Variants in FNDC1 observed in about 807,000 individuals in gnomAD.
The protein encoded by FNDC1 is fibronectin type III domain containing 1.
A neutral mutation model predicts 168.0 loss-of-function variants in FNDC1; 96 were observed. The observed-to-expected ratio is 0.57, with a 90% CI of 0.48 to 0.68. The LOEUF (loss-of-function observed/expected upper bound fraction) is 0.68. Among genes scored for constraint, FNDC1 ranks in the 30% least tolerant of loss-of-function variants. The pLI is 0.00. For synonymous variants in FNDC1, 1,099 were observed against 1,025.9 expected (o/e 1.07, Z -1.36); for missense variants, 2,587 against 2,482.1 (o/e 1.04, Z -0.90).
rs1036856796 is a variant in FNDC1, at chr6:159,256,390, G to T, written c.5066-133G>T. ...ATCCCATCCTGTCCCACAGTGCCGC[G>T]TGCCCTCCTTCCTGTAGTTCCCACA... is the stretch of plus-strand genomic sequence containing the variant. On this transcript the variant is annotated intron_variant, in intron 17 of 22. Transcript: ENST00000297267. 7.3e-6 allele frequency: 5 copies of T among 682,402 alleles called. No individual in the cohort carries two copies. The Admixed American group carries it at 7.5e-5, about 10-fold the overall frequency. The allele number at this position is 682,402 out of a possible 1,614,324, so 42.3% of individuals were successfully genotyped here. A position where few individuals can be genotyped will look rare whatever the true frequency, so the allele number is the denominator to read the frequency against.
At chr6:159,198,249 C>A (rs1460810048) in intron 2 of FNDC1, among the ~76,000 whole-genome samples, 1 of 152,180 alleles carries the variant, frequency 6.6e-6, no homozygotes, top group African/African-American at 2.4e-5. Flanking sequence ...AACCTAAAGC[C>A]CCATTGATTC....
intron 14 of FNDC1, among the ~76,000 whole-genome samples, chr6:159,243,491 C>A (rs761650668): frequency 6.6e-6 from 1 of 152,102 alleles, no homozygotes; most frequent in African/African-American, 2.4e-5. Flanking sequence ...TTTGTAATAT[C>A]TCTGGAGCAA....
At chr6:159,258,014 C>G (rs954003687) in intron 18 of FNDC1, among the ~76,000 whole-genome samples, 1 of 150,712 alleles carries the variant, frequency 6.6e-6, no homozygotes, top group Non-Finnish European at 1.5e-5. Flanking sequence ...GAGCTACTTA[C>G]AACAGAATCT....
At chr6:159,203,599 G>C (rs1402059619) in intron 4 of FNDC1, among the ~76,000 whole-genome samples, 1 of 152,202 alleles carries the variant, frequency 6.6e-6, no homozygotes, top group African/African-American at 2.4e-5. Context: ...AGCTTTCTTT[G>C]TACTTAATGC....
chr6:159,200,782 C>T (rs560721133), intron 4 of FNDC1, among the ~76,000 whole-genome samples: 3 of 152,242 alleles, frequency 2.0e-5, no homozygotes, highest in African/African-American at 4.8e-5. Flanking sequence ...TATTGTTCAC[C>T]GTTCTTTCAT....
intron 1 of FNDC1, among the ~76,000 whole-genome samples, chr6:159,196,612 A>G (rs1782245717): frequency 1.3e-5 from 2 of 152,178 alleles, no homozygotes; most frequent in African/African-American, 4.8e-5. Context: ...TGCTTTACTC[A>G]ATAGTCAGTT....
At position 159,232,322 on chromosome 6, in the gene FNDC1, C is replaced by T. The variant is rs779286317; in HGVS notation, c.1810C>T (p.Leu604=). 2 of 1,613,250 alleles carry T rather than the reference C, an allele frequency of 1.2e-6. No individual in the cohort carries two copies. The highest frequency in any genetic ancestry group is 2.2e-5 in the East Asian group (1 of 44,848). The change falls in exon 11 of 23, where the codon CTG becomes TTG. Residue 604 remains leucine, a synonymous_variant. Transcript: ENST00000297267. The surrounding 1 kb of genome is among the most constrained non-coding windows in gnomAD (Gnocchi z 4.9). ...AGGCGTAGATAAGCCTGGCTTTTCC[C>T]TGGCCACGCAGCCCCGCCCAGGGGC... ...REGVDKPGFS[L]ATQPRPGAPP...
At chr6:159,230,255 T>C (rs980196088) in intron 10 of FNDC1, among the ~76,000 whole-genome samples, 8 of 152,250 alleles carry the variant, frequency 5.3e-5, no homozygotes, top group African/African-American at 1.2e-4. Context: ...ATAATTAATC[T>C]GACATCATTA....
intron 15 of FNDC1, among the ~76,000 whole-genome samples, chr6:159,247,912 T>C (rs1359202547): frequency 3.3e-5 from 5 of 152,212 alleles, no homozygotes; most frequent in Non-Finnish European, 2.9e-5. Flanking sequence ...AAAGGAATCT[T>C]GTCCACACCC....
intron 22 of FNDC1, among the ~76,000 whole-genome samples, chr6:159,270,033 TA>T (rs1052637445): frequency 6.6e-6 from 1 of 151,980 alleles, no homozygotes; most frequent in African/African-American, 2.4e-5. Context: ...CTACAAAAAG[TA>T]AAAAAATTAT....
At chr6:159,223,482 C>G in intron 6 of FNDC1, 46 bp from the exon 7 acceptor site, 1 of 1,273,970 alleles carries the variant, frequency 7.8e-7, no homozygotes, top group Middle Eastern at 1.9e-4. Flanking sequence ...CAGGGCAGAA[C>G]CTGTTGTGAG....
chr6:159,260,308 T>C (rs951056294), intron 18 of FNDC1, among the ~76,000 whole-genome samples: 1 of 152,226 alleles, frequency 6.6e-6, no homozygotes, highest in Non-Finnish European at 1.5e-5. Context: ...TGGTCTTTAT[T>C]ACTTCTCTAA....
intron 2 of FNDC1, among the ~76,000 whole-genome samples, chr6:159,199,229 A>G (rs1436242533): frequency 6.6e-6 from 1 of 152,214 alleles, no homozygotes; most frequent in Non-Finnish European, 1.5e-5. Context: ...TTTACCTTGC[A>G]GAGCTACACG....
At chr6:159,221,180 G>A (rs970972049) in intron 5 of FNDC1, among the ~76,000 whole-genome samples, 2 of 152,132 alleles carry the variant, frequency 1.3e-5, no homozygotes, top group African/African-American at 4.8e-5. Flanking sequence ...TTTCTTTCTG[G>A]TGACAGATTA....
chr6:159,221,779 G>T, intron 6 of FNDC1, 83 bp downstream of exon 6: 1 of 1,055,370 alleles, frequency 9.5e-7, no homozygotes, highest in East Asian at 2.5e-5. Flanking sequence ...GCTGAATGAT[G>T]AATTACATGA....
At chr6:159,220,071 A>G (rs1300463029) in intron 5 of FNDC1, among the ~76,000 whole-genome samples, 2 of 152,204 alleles carry the variant, frequency 1.3e-5, no homozygotes, top group African/African-American at 4.8e-5. Context: ...GTGAGTGCCG[A>G]GTGCCTCCGT....
rs750568232 is a variant in FNDC1 at position 159,232,292 on chromosome 6, A to C, written c.1780A>C (p.Arg594=). 1.2e-5 allele frequency: 19 copies of C among 1,611,788 alleles called. No homozygotes were observed. Among genetic ancestry groups the C allele is most frequent in the South Asian group, 1.1e-4 (10 of 90,792 alleles). ...VRARMPALPR[R]EGVDKPGFSL... ...GGCCCGGATGCCAGCGCTGCCCCGA[A>C]GGGAAGGCGTAGATAAGCCTGGCTT... The change falls in exon 11 of 23, where the codon AGG becomes CGG. Residue 594 remains arginine (R), a synonymous_variant. Transcript: ENST00000297267. This position sits in a 1 kb window ranked among gnomAD's most constrained non-coding sequence, Gnocchi z 4.9.
intron 11 of FNDC1, among the ~76,000 whole-genome samples, 159 bp from the exon 12 acceptor site, chr6:159,236,056 G>C (rs1197611350): frequency 6.6e-6 from 1 of 152,188 alleles, no homozygotes; most frequent in Non-Finnish European, 1.5e-5. Context: ...CATAATTTGA[G>C]ACTATCATTA....
Position 159,266,147 on chromosome 6 carries a change from G to A in FNDC1, c.5348G>A (p.Gly1783Glu), listed in dbSNP as rs1381906792. The A allele has an allele frequency of 2.5e-6, 4 of 1,613,886 alleles. No individual in the cohort carries two copies. ...KHDPSYTDCH[G>E]RQYVKRTWYR... ...GATCCCAGCTACACGGACTGCCATG[G>A]ACGGCAATATGTGAAGCGCACGTGG... is the stretch of plus-strand genomic sequence containing the variant. The change falls in exon 21 of 23, where the codon GGA (glycine) becomes GAA (glutamate). Residue 1783 changes from glycine (G) to glutamate (E), a missense_variant. By Grantham distance (98) the Gly-to-Glu change is moderately conservative (BLOSUM62 -2). Transcript: ENST00000297267.
Sources: gnomAD v4.1 joint callset for allele counts (sites outside exome capture counted in the v4.1 genomes callset) on GRCh38, gnomAD v4.1.1 for gene constraint, Gnocchi (gnomAD v3.1) non-coding constraint, MANE v1.5 for transcripts, NCBI Gene and HGNC (gene_info 2026-07-23, HGNC 2026-07-21) for gene names.